PTGER3: variants seen among roughly 807,000 people sequenced by gnomAD.
PTGER3 encodes prostaglandin E2 receptor EP3 subtype.
In PTGER3, 22 loss-of-function variants were observed where a neutral mutation model predicts 34.7. The observed-to-expected ratio is 0.63, with a 90% CI of 0.45 to 0.91. The LOEUF (loss-of-function observed/expected upper bound fraction) is 0.91, where lower values mean the gene tolerates loss of function less well. PTGER3 is among the 40% of genes least tolerant of loss of function. PTGER3 has a pLI of 0.00. For missense variants in PTGER3, 468 were observed against 519.4 expected, an observed-to-expected ratio of 0.90 and a Z score of 0.96; for synonymous variants, 241 against 230.1, an observed-to-expected ratio of 1.05 and a Z score of -0.43.
At chr1:70,862,451 C>A in intron 4 of PTGER3, 1 of 1,122,426 alleles carries the variant, frequency 8.9e-7, no homozygotes, top group South Asian at 1.2e-5. Flanking sequence ...TGCTTTCACA[C>A]TGTTGAAGTG....
intron 4 of PTGER3, among the ~76,000 whole-genome samples, chr1:70,889,197 C>T (rs544636159): frequency 3.4e-4 from 51 of 151,882 alleles, no homozygotes; most frequent in African/African-American, 1.0e-3. Context: ...GGGTGGATCA[C>T]GAGTTCAGGA....
intron 4 of PTGER3, among the ~76,000 whole-genome samples, chr1:70,927,754 G>T (rs1251371589): frequency 6.6e-6 from 1 of 152,122 alleles, no homozygotes; most frequent in Non-Finnish European, 1.5e-5. Flanking sequence ...GAAACTCTCA[G>T]GGGGATAGAA....
At chr1:71,034,314 A>G (rs532144125) in intron 1 of PTGER3, among the ~76,000 whole-genome samples, 1 of 152,246 alleles carries the variant, frequency 6.6e-6, no homozygotes, top group South Asian at 2.1e-4. Context: ...TTTGTCATTT[A>G]TTGATTTTCC....
rs1653024284 is a variant in PTGER3 at position 70,971,015 on chromosome 1, T to C, written c.*715A>G. 1 of 985,260 alleles carries C rather than the reference T, an allele frequency of 1.0e-6. No homozygotes were observed. Among genetic ancestry groups the C allele is most frequent in the South Asian group, 4.7e-5 (1 of 21,294 alleles). 61.0% of individuals were successfully genotyped at this position (985,260 alleles called of 1,614,324 possible). A position where few individuals can be genotyped will look rare whatever the true frequency, so the allele number is the denominator to read the frequency against. On this transcript the variant is annotated 3_prime_UTR_variant, in exon 4 of 4. Transcript: ENST00000306666. ...GCAGCTAATCATTCAACCTCAAATT[T>C]GTTTTTTATGACACTCCAAGGATGC...
intron 2 of PTGER3, among the ~76,000 whole-genome samples, chr1:70,997,827 T>C (rs1656123524): frequency 6.6e-6 from 1 of 152,220 alleles, no homozygotes. Flanking sequence ...CCAATTCCAA[T>C]ATTGTAGCCA....
chr1:70,954,933 C>T (rs1651165632), intron 2 of PTGER3, among the ~76,000 whole-genome samples: 1 of 152,050 alleles, frequency 6.6e-6, no homozygotes, highest in South Asian at 2.1e-4. Flanking sequence ...ATAATACCCA[C>T]AGTTTCAGAG....
At chr1:71,041,296 C>T (rs1660292962) in intron 1 of PTGER3, among the ~76,000 whole-genome samples, 1 of 152,216 alleles carries the variant, frequency 6.6e-6, no homozygotes, top group African/African-American at 2.4e-5. Context: ...GCAACACAGT[C>T]CACTGTGGAG....
chr1:70,990,181 CT>C lies in PTGER3; in HGVS notation c.1078-15794del, dbSNP rs563200155. ...AACCTGGCTAACACGGTGAAACCCC[CT>C]CTCTACTAAAAAATACAAAAAAAAA... On this transcript the variant is annotated intron_variant, in intron 2 of 3. Coordinates refer to ENST00000306666, the MANE Select transcript of PTGER3 (RefSeq NM_198719.2). Among the ~76,000 whole-genome samples, 200 of 151,334 alleles carry C rather than the reference CT, an allele frequency of 1.3e-3. 2 individuals are homozygous for C. The highest frequency in any genetic ancestry group is 4.7e-3 in the African/African-American group (194 of 41,266).
At chr1:70,996,891 T>C (rs1486006568) in intron 2 of PTGER3, among the ~76,000 whole-genome samples, 2 of 152,126 alleles carry the variant, frequency 1.3e-5, no homozygotes, top group Non-Finnish European at 2.9e-5. Context: ...CTCGATCTCC[T>C]GACCTCGTGA....
intron 4 of PTGER3, among the ~76,000 whole-genome samples, chr1:70,943,120 G>T (rs1183323598): frequency 6.6e-6 from 1 of 152,076 alleles, no homozygotes. Context: ...TTACTTGTCT[G>T]TCTCCTCAAC....
chr1:70,859,626 G>A (rs1645883240), intron 4 of PTGER3, among the ~76,000 whole-genome samples: 1 of 152,184 alleles, frequency 6.6e-6, no homozygotes, highest in Non-Finnish European at 1.5e-5. Context: ...CGAAAACACA[G>A]GCTAGTGATT....
At chr1:71,005,759 C>T in intron 2 of PTGER3, 1 of 704,318 alleles carries the variant, frequency 1.4e-6, no homozygotes, top group Middle Eastern at 7.3e-4. Context: ...GCCCCATGCC[C>T]TCTGAGGACA....
chr1:70,881,306 G>A (rs988054523), intron 4 of PTGER3, among the ~76,000 whole-genome samples: 1 of 151,970 alleles, frequency 6.6e-6, no homozygotes, highest in Non-Finnish European at 1.5e-5. Flanking sequence ...TTCATCTCCT[G>A]TATTGTTTTA....
intron 2 of PTGER3, among the ~76,000 whole-genome samples, chr1:70,979,001 CA>C (rs1396014712): frequency 6.6e-6 from 1 of 152,068 alleles, no homozygotes; most frequent in African/African-American, 2.4e-5. Context: ...AGATTTAATC[CA>C]CGCATAAATA....
chr1:70,956,990 G>A lies in PTGER3; in HGVS notation c.1078-3201C>T, dbSNP rs561425187. Reference sequence around the variant, plus strand: ...AGCCTAGGTGACAGAACAAGACTCTGTCTTAATAATAGTAACAATAGAAGT... The same window carrying A: ...AGCCTAGGTGACAGAACAAGACTCTATCTTAATAATAGTAACAATAGAAGT... On this transcript the variant is annotated intron_variant, in intron 2 of 3. Transcript: ENST00000356595. 6.4e-4 allele frequency among the ~76,000 whole-genome samples: 98 copies of A among 152,220 alleles called. No individual in the cohort carries two copies. The South Asian group carries it at 0.017, about 26-fold the overall frequency.
At chr1:71,007,922 GA>G in intron 2 of PTGER3, 1 of 985,270 alleles carries the variant, frequency 1.0e-6, no homozygotes, top group Non-Finnish European at 1.2e-6. Flanking sequence ...TGAAAAGGCT[GA>G]CTTGTTTCTG....
intron 4 of PTGER3, among the ~76,000 whole-genome samples, chr1:70,897,014 C>T (rs1646734840): frequency 6.6e-6 from 1 of 152,120 alleles, no homozygotes; most frequent in Non-Finnish European, 1.5e-5. Flanking sequence ...TGTGCCTCCA[C>T]CCATGGATCC....
At chr1:71,002,228 C>T (rs1001765834) in intron 2 of PTGER3, 1 of 152,134 alleles carries the variant, frequency 6.6e-6, no homozygotes, top group Non-Finnish European at 1.5e-5. Flanking sequence ...CACCATGGCA[C>T]TCTAGCCTTC....
chr1:70,923,596 G>A (rs1210700503), intron 4 of PTGER3, among the ~76,000 whole-genome samples: 1 of 152,168 alleles, frequency 6.6e-6, no homozygotes, highest in Non-Finnish European at 1.5e-5. Context: ...TTAAACAGAA[G>A]TTAACTGCAT....
Sources: allele counts gnomAD v4.1 joint callset (sites outside exome capture counted in the v4.1 genomes callset), GRCh38; gene constraint gnomAD v4.1.1; transcripts MANE v1.5; gene names NCBI Gene and HGNC (gene_info 2026-07-23, HGNC 2026-07-21).